The following STRBP variants were observed in gnomAD, a reference collection of about 807,000 sequenced individuals.
STRBP encodes spermatid perinuclear RNA-binding protein.
In STRBP, 13 loss-of-function variants were observed where a neutral mutation model predicts 80.1. The observed-to-expected ratio is 0.16, with a 90% CI of 0.11 to 0.26. The LOEUF is 0.26. Ranked by LOEUF, STRBP falls within the 10% of genes least tolerant of loss-of-function variation. The pLI is 1.00. For missense variants in STRBP, 485 were observed against 815.2 expected (o/e 0.59, Z 4.93); for synonymous variants, 284 against 291.2 (o/e 0.98, Z 0.25).
chr9:123,237,528 C>G (rs1280129244), intron 1 of STRBP, among the ~76,000 whole-genome samples: 1 of 152,016 alleles, frequency 6.6e-6, no homozygotes, highest in African/African-American at 2.4e-5. Flanking sequence ...TTTCACCTCA[C>G]TTGCTTAAGA....
In STRBP at chr9:123,184,144, T is replaced by C. The variant is rs373181631; in HGVS notation, c.-10A>G. 9.3e-6 allele frequency: 15 copies of C among 1,609,694 alleles called. No individual in the cohort carries two copies. The highest frequency in any genetic ancestry group is 5.4e-5 in the African/African-American group (4 of 74,756). ...CACAATAACCTACCATGGTTTTCTA[T>C]AGTATTTTAGCTTCTTTTTCCGATC... is the stretch of plus-strand genomic sequence containing the variant. On this transcript the variant is annotated 5_prime_UTR_variant, in exon 3 of 19. Coordinates refer to ENST00000348403, the MANE Select transcript of STRBP (RefSeq NM_018387.5).
intron 4 of STRBP, among the ~76,000 whole-genome samples, chr9:123,174,898 C>A (rs947605862): frequency 3.3e-5 from 5 of 152,182 alleles, no homozygotes; most frequent in Non-Finnish European, 5.9e-5. Flanking sequence ...CTAAGTTTAA[C>A]CGTCTTTCAA....
Position 123,160,974 on chromosome 9 carries a change from A to G in STRBP, c.627+3T>C. ...AACAATAAGATAGTAAGAAAAAGCCAACCTGAAACCATTTGGCATGTCGAA... is the reference window on the plus strand; with the variant it reads ...AACAATAAGATAGTAAGAAAAAGCCGACCTGAAACCATTTGGCATGTCGAA... On this transcript the variant is annotated splice_donor_region_variant and intron_variant, in intron 7 of 18. Transcript: ENST00000348403. The G allele has an allele frequency of 6.3e-7, 1 of 1,579,184 alleles. No individual in the cohort carries two copies. Among genetic ancestry groups the G allele is most frequent in the Non-Finnish European group, 8.5e-7 (1 of 1,171,116 alleles).
Position 123,122,226 on chromosome 9 carries a change from AT to A in STRBP, c.*3370del. 1.1e-6 allele frequency: 1 copy of A among 882,920 alleles called. No individual in the cohort carries two copies. Among genetic ancestry groups the A allele is most frequent in the Non-Finnish European group, 1.6e-6 (1 of 624,452 alleles). 54.7% of individuals were successfully genotyped at this position (882,920 alleles called of 1,614,324 possible). A position where few individuals can be genotyped will look rare whatever the true frequency, so the allele number is the denominator to read the frequency against. The stretch of plus-strand genomic sequence containing the variant: ...ACTGAGATCACAGCTTACAGTCACT[AT>A]ATCTCAGCCTATTTTATACAAGTGA... On this transcript the variant is annotated 3_prime_UTR_variant, in exon 19 of 19. Coordinates refer to ENST00000348403, the MANE Select transcript of STRBP (RefSeq NM_018387.5).
Position 123,122,206 on chromosome 9 carries a change from GATCACAGCTTACAGTCACTAT to G in STRBP, c.*3370_*3390del. 1.4e-6 allele frequency: 1 copy of G among 720,830 alleles called. No individual in the cohort carries two copies. The highest frequency in any genetic ancestry group is 1.6e-5 in the South Asian group (1 of 61,636). The allele number at this position is 720,830 out of a possible 1,614,324, so 44.7% of individuals were successfully genotyped here. On this transcript the variant is annotated 3_prime_UTR_variant, in exon 19 of 19. Coordinates refer to ENST00000348403, the MANE Select transcript of STRBP (RefSeq NM_018387.5). ...AAAAGAGCTTACCTTTGTATACTGA[GATCACAGCTTACAGTCACTAT>G]ATCTCAGCCTATTTTATACAAGTGA... is the stretch of plus-strand genomic sequence containing the variant.
chr9:123,211,267 A>G (rs1045110659), intron 2 of STRBP, among the ~76,000 whole-genome samples: 2 of 152,252 alleles, frequency 1.3e-5, no homozygotes, highest in African/African-American at 2.4e-5. Flanking sequence ...AGTAAAAACA[A>G]TAAGTTCCAA....
intron 2 of STRBP, among the ~76,000 whole-genome samples, chr9:123,228,276 C>T (rs1415208551): frequency 2.0e-5 from 3 of 151,964 alleles, no homozygotes; most frequent in African/African-American, 4.8e-5. Context: ...ACACATGGCT[C>T]GGAAGGACAA....
chr9:123,185,551 C>G (rs1033307842), intron 2 of STRBP, among the ~76,000 whole-genome samples: 1 of 152,014 alleles, frequency 6.6e-6, no homozygotes, highest in Admixed American at 6.6e-5. Flanking sequence ...AAATATGATC[C>G]CACAGTAAGA....
intron 1 of STRBP, among the ~76,000 whole-genome samples, chr9:123,265,542 T>C (rs1415845433): frequency 6.6e-6 from 1 of 152,198 alleles, no homozygotes; most frequent in Non-Finnish European, 1.5e-5. Context: ...AGGGAAATCG[T>C]TTTCCAAGAT....
chr9:123,237,852 G>C (rs2040602330), intron 1 of STRBP, among the ~76,000 whole-genome samples: 1 of 152,170 alleles, frequency 6.6e-6, no homozygotes, highest in Admixed American at 6.5e-5. Context: ...CACATAAAAA[G>C]TAAAGTTCTC....
chr9:123,238,881 T>A (rs554325804), intron 1 of STRBP, among the ~76,000 whole-genome samples: 30 of 152,182 alleles, frequency 2.0e-4, no homozygotes, highest in Non-Finnish European at 1.0e-4. Flanking sequence ...CCACAATAAA[T>A]TCCACGTTAG....
rs531441131 is a variant in STRBP, at chr9:123,177,411, C to CT, written c.224+1595dup. ...AGACTCTGTCTCTCCAAACGAAATT[C>CT]TTTTTTTTTAAATTAGCCAGGCATG... is the stretch of plus-strand genomic sequence containing the variant. On this transcript the variant is annotated intron_variant, in intron 4 of 18. Transcript: ENST00000348403. Among the ~76,000 whole-genome samples, 132 of 151,130 alleles carry CT rather than the reference C, an allele frequency of 8.7e-4. 5 individuals are homozygous for CT. In the South Asian group the frequency reaches 0.026, roughly 30 times the overall value.
At chr9:123,198,450 T>C (rs1330285404) in intron 2 of STRBP, among the ~76,000 whole-genome samples, 1 of 152,190 alleles carries the variant, frequency 6.6e-6, no homozygotes, top group Non-Finnish European at 1.5e-5. Flanking sequence ...TTGCCTGCTT[T>C]TTAATGGGAT....
chr9:123,137,985 G>A (rs913987076), intron 14 of STRBP, among the ~76,000 whole-genome samples: 13 of 152,136 alleles, frequency 8.5e-5, no homozygotes, highest in African/African-American at 3.1e-4. Context: ...ATCACTCTAT[G>A]CTTTCCAAAC....
At chr9:123,179,742 C>CTAAA (rs982492767) in intron 3 of STRBP, among the ~76,000 whole-genome samples, 6 of 152,216 alleles carry the variant, frequency 3.9e-5, no homozygotes, top group Non-Finnish European at 8.8e-5. Flanking sequence ...AACTCTGTCT[C>CTAAA]TAAATAAATA....
At chr9:123,201,777 G>A (rs1039501997) in intron 2 of STRBP, among the ~76,000 whole-genome samples, 3 of 152,124 alleles carry the variant, frequency 2.0e-5, no homozygotes, top group African/African-American at 7.2e-5. Context: ...CTAGCATTTC[G>A]TTTAAGTCCA....
intron 17 of STRBP, 136 bp from the exon 18 acceptor site, chr9:123,128,394 C>A (rs1024110417): frequency 2.1e-6 from 2 of 930,344 alleles, no homozygotes; most frequent in Non-Finnish European, 3.4e-6. Flanking sequence ...AGAACCACTG[C>A]CAGAATGGTC....
intron 2 of STRBP, among the ~76,000 whole-genome samples, chr9:123,200,617 G>C (rs576711444): frequency 1.2e-3 from 176 of 148,306 alleles, no homozygotes; most frequent in Non-Finnish European, 1.9e-3. Context: ...ACCCAGGCTA[G>C]AGTGCAGTGG....
In STRBP at chr9:123,160,885, T is replaced by C. The variant is rs1326194755; in HGVS notation, c.627+92A>G. 4 of 1,030,508 alleles carry C rather than the reference T, an allele frequency of 3.9e-6. No homozygotes were observed. The African/African-American group carries it at 5.0e-5, about 13-fold the overall frequency. 63.8% of individuals were successfully genotyped at this position (1,030,508 alleles called of 1,614,324 possible). On this transcript the variant is annotated intron_variant, in intron 7 of 18. Transcript: ENST00000348403. ...ATGAGCTAGAAAGCACCCCTCATTT[T>C]ATGTAGTACACAGAAACCAATTAAG...
Sources: gnomAD v4.1 joint callset for allele counts (sites outside exome capture counted in the v4.1 genomes callset) on GRCh38, gnomAD v4.1.1 for gene constraint, MANE v1.5 for transcripts, NCBI Gene and HGNC (gene_info 2026-07-23, HGNC 2026-07-21) for gene names.